Variants in SNAP29 observed in about 807,000 individuals in gnomAD.
SNAP29 encodes synaptosomal-associated protein 29.
In SNAP29, 13 loss-of-function variants were observed where a neutral mutation model predicts 27.9. That is an observed-to-expected ratio of 0.47 (90% CI 0.30 to 0.74). SNAP29 has a LOEUF of 0.74. Among genes scored for constraint, SNAP29 ranks in the 30% least tolerant of loss-of-function variants. The pLI, the probability that SNAP29 is intolerant of heterozygous loss-of-function variation, is 0.06. For synonymous variants in SNAP29, 119 were observed against 127.1 expected (o/e 0.94, Z 0.43); for missense variants, 368 against 336.5 (o/e 1.09, Z -0.73).
At chr22:20,871,648 C>T (rs1012654045) in intron 2 of SNAP29, among the ~76,000 whole-genome samples, 11 of 151,960 alleles carry the variant, frequency 7.2e-5, no homozygotes, top group Admixed American at 1.3e-4. Flanking sequence ...TTGGGGAGGC[C>T]GAGGCGGGTG....
intron 2 of SNAP29, among the ~76,000 whole-genome samples, chr22:20,874,933 A>T (rs1051425431): frequency 5.9e-5 from 9 of 152,068 alleles, no homozygotes; most frequent in Non-Finnish European, 1.0e-4. Flanking sequence ...GAGCAGAGTG[A>T]GCCCTTGGAG....
intron 4 of SNAP29, among the ~76,000 whole-genome samples, chr22:20,884,346 A>G (rs936961702): frequency 1.3e-5 from 2 of 150,940 alleles, no homozygotes; most frequent in Non-Finnish European, 3.0e-5. Flanking sequence ...AAAAAAAAAA[A>G]GAAGAAGTGA....
At chr22:20,882,646 G>T (rs1056031236) in intron 3 of SNAP29, among the ~76,000 whole-genome samples, 6 of 152,158 alleles carry the variant, frequency 3.9e-5, no homozygotes, top group Non-Finnish European at 7.3e-5. Flanking sequence ...AAAGGCAAGG[G>T]CTGGGAAAAC....
intron 2 of SNAP29, among the ~76,000 whole-genome samples, chr22:20,877,508 A>G (rs1048074868): frequency 1.3e-5 from 2 of 151,958 alleles, no homozygotes; most frequent in African/African-American, 4.8e-5. Flanking sequence ...GTAAGCCAAG[A>G]TCGCACCATT....
At position 20,859,304 on chromosome 22, in the gene SNAP29, C is replaced by A; in HGVS notation, c.194C>A (p.Ala65Asp). The change falls in exon 1 of 5, where the codon GCC becomes GAC. Residue 65 changes from alanine (A) to aspartate (D), a missense_variant. Ala to Asp is a moderately radical substitution (Grantham distance 126). Transcript: ENST00000215730. ...ATAASTSRSL[A>D]LMYESEKVGV... ...GCCGCCAGCACCAGCAGGTCCCTGGCCCTCATGTACGAGTCCGAGAAGGTT... is the reference window on the plus strand; with the variant it reads ...GCCGCCAGCACCAGCAGGTCCCTGGACCTCATGTACGAGTCCGAGAAGGTT... The A allele has an allele frequency of 6.2e-7, 1 of 1,613,060 alleles. No individual in the cohort carries two copies. Among genetic ancestry groups the A allele is most frequent in the Non-Finnish European group, 8.5e-7 (1 of 1,179,888 alleles).
At chr22:20,885,859 C>T (rs1929002062) in intron 4 of SNAP29, among the ~76,000 whole-genome samples, 1 of 152,232 alleles carries the variant, frequency 6.6e-6, no homozygotes, top group Non-Finnish European at 1.5e-5. Flanking sequence ...CCTTTGTTCA[C>T]ACTCTTCCCG....
At chr22:20,875,871 G>A (rs1190983526) in intron 2 of SNAP29, among the ~76,000 whole-genome samples, 1 of 138,844 alleles carries the variant, frequency 7.2e-6, no homozygotes, top group African/African-American at 2.6e-5. Flanking sequence ...AAAAAAAAAT[G>A]GGGGGGCGGC....
At chr22:20,874,615 G>T (rs1034918918) in intron 2 of SNAP29, among the ~76,000 whole-genome samples, 5 of 151,196 alleles carry the variant, frequency 3.3e-5, no homozygotes, top group African/African-American at 1.2e-4. Flanking sequence ...GGGACCTGCA[G>T]AGTTGGCCCT....
chr22:20,886,706 G>A (rs532173031), intron 4 of SNAP29, among the ~76,000 whole-genome samples: 1 of 151,978 alleles, frequency 6.6e-6, no homozygotes, highest in East Asian at 1.9e-4. Context: ...CCTCCTCTCA[G>A]GTTCAAGTGA....
chr22:20,864,995 A>G (rs748334544), intron 1 of SNAP29, among the ~76,000 whole-genome samples: 3 of 152,118 alleles, frequency 2.0e-5, no homozygotes, highest in African/African-American at 4.8e-5. Flanking sequence ...TGGACCACAT[A>G]CTCACCGCTA....
At position 20,883,379 on chromosome 22, in the gene SNAP29, C is replaced by T; in HGVS notation, c.521-92C>T. On this transcript the variant is annotated intron_variant, in intron 3 of 4. Transcript: ENST00000215730. ...GAACCAACCCCTTCGTTCCTTCCAC[C>T]CATTTTCCAGATGAAATTGTTTTGG... 22 of 870,234 alleles carry T rather than the reference C, an allele frequency of 2.5e-5. No individual in the cohort carries two copies. The South Asian group carries it at 2.9e-4, about 11-fold the overall frequency. 53.9% of individuals were successfully genotyped at this position (870,234 alleles called of 1,614,324 possible). A position where few individuals can be genotyped will look rare whatever the true frequency, so the allele number is the denominator to read the frequency against.
chr22:20,870,812 A>C, intron 2 of SNAP29: 1 of 497,770 alleles, frequency 2.0e-6, no homozygotes, highest in Non-Finnish European at 3.7e-6. Flanking sequence ...ATCTGTACAA[A>C]TGTGACTCAC....
rs362237 is a variant in SNAP29, at chr22:20,861,118, G to GTTTT, written c.237+1786_237+1789dup. On this transcript the variant is annotated intron_variant, in intron 1 of 4. Transcript: ENST00000215730. ...TCCCTCATTGATCCACCTCCCTGTG[G>GTTTT]TTTTTTTTTTTTTTTTTTGAGACAG... Among the ~76,000 whole-genome samples, 31 of 121,808 alleles carry GTTTT rather than the reference G, an allele frequency of 2.5e-4. 2 individuals carry two copies. The highest frequency in any genetic ancestry group is 4.5e-4 in the African/African-American group (14 of 30,920). 79.9% of individuals were successfully genotyped at this position (121,808 alleles called of 152,430 possible).
chr22:20,883,662 A>G, intron 4 of SNAP29, 93 bp downstream of exon 4: 1 of 817,970 alleles, frequency 1.2e-6, no homozygotes, highest in Non-Finnish European at 2.1e-6. Flanking sequence ...CTCCAGCTTC[A>G]GTTCCCTCAC....
intron 2 of SNAP29, among the ~76,000 whole-genome samples, chr22:20,880,335 T>C (rs538612044): frequency 2.6e-5 from 4 of 152,028 alleles, no homozygotes; most frequent in South Asian, 4.2e-4. Context: ...CCATCTCTAC[T>C]GAAAATACAG....
chr22:20,885,969 G>C (rs1189341281), intron 4 of SNAP29, among the ~76,000 whole-genome samples: 2 of 152,136 alleles, frequency 1.3e-5, no homozygotes, highest in Non-Finnish European at 2.9e-5. Flanking sequence ...TTTTATCTCA[G>C]CCTCTCTGTT....
chr22:20,886,268 A>T (rs1359796243), intron 4 of SNAP29, among the ~76,000 whole-genome samples: 1 of 151,848 alleles, frequency 6.6e-6, no homozygotes, highest in East Asian at 1.9e-4. Context: ...GATTACAAGC[A>T]TGAGCCACTG....
chr22:20,891,043 CTG>C lies in SNAP29; in HGVS notation c.*3209_*3210del, dbSNP rs1929143341. Reference sequence around the variant, plus strand: ...TGAGCCAAGGCGACAGAGCAAGACTCTGTCTCAAAAAATAAAAAATAGTGCAC... The same window carrying C: ...TGAGCCAAGGCGACAGAGCAAGACTCTCTCAAAAAATAAAAAATAGTGCAC... On this transcript the variant is annotated 3_prime_UTR_variant, in exon 5 of 5. Transcript: ENST00000215730. The C allele has an allele frequency of 1.3e-5, 2 of 152,226 alleles. No individual in the cohort carries two copies. The highest frequency in any genetic ancestry group is 6.6e-5 in the Admixed American group (1 of 15,262). The allele number at this position is 152,226 out of a possible 1,614,324, so 9.4% of individuals were successfully genotyped here. A position where few individuals can be genotyped will look rare whatever the true frequency, so the allele number is the denominator to read the frequency against.
At chr22:20,887,180 A>G (rs1239558262) in intron 4 of SNAP29, among the ~76,000 whole-genome samples, 10 of 151,372 alleles carry the variant, frequency 6.6e-5, no homozygotes, top group Non-Finnish European at 1.0e-4. Flanking sequence ...AGCCGAGATC[A>G]TGGCACTGCA....
Sources: allele counts gnomAD v4.1 joint callset (sites outside exome capture counted in the v4.1 genomes callset), GRCh38; gene constraint gnomAD v4.1.1; transcripts MANE v1.5; gene names NCBI Gene and HGNC (gene_info 2026-07-23, HGNC 2026-07-21).